The following MAF variants were observed in gnomAD, a reference collection of about 807,000 sequenced individuals.
MAF encodes MAF bZIP transcription factor.
In MAF, 10 loss-of-function variants were observed where a neutral mutation model predicts 22.0. The ratio of observed to expected loss-of-function variants is 0.45; its 90% CI spans 0.28 to 0.77. MAF has a LOEUF of 0.77. Ranked by LOEUF, MAF falls within the 30% of genes least tolerant of loss-of-function variation. The pLI, the probability that MAF is intolerant of heterozygous loss-of-function variation, is 0.12. For missense variants in MAF, 544 were observed against 548.4 expected, an observed-to-expected ratio of 0.99 and a Z score of 0.08; for synonymous variants, 337 against 255.8, an observed-to-expected ratio of 1.32 and a Z score of -3.03.
At chr16:79,208,718 G>T in the MAF span, among the ~76,000 whole-genome samples, 1 of 151,958 alleles carries the variant, frequency 6.6e-6, no homozygotes, top group African/African-American at 2.4e-5. Context: ...ATGTGCCTCA[G>T]TCTTATTCTG....
At chr16:79,254,034 T>G in the MAF span, among the ~76,000 whole-genome samples, 5 of 151,984 alleles carry the variant, frequency 3.3e-5, no homozygotes. Flanking sequence ...TTTTGTTTTT[T>G]TTTTTATAAA....
At chr16:79,208,585 G>T in the MAF span, among the ~76,000 whole-genome samples, 1 of 152,078 alleles carries the variant, frequency 6.6e-6, no homozygotes, top group East Asian at 1.9e-4. Context: ...GCCCCAAAAG[G>T]TGGTATGAAT....
At chr16:79,358,930 C>T in the MAF span, among the ~76,000 whole-genome samples, 1 of 152,268 alleles carries the variant, frequency 6.6e-6, no homozygotes, top group African/African-American at 2.4e-5. Flanking sequence ...TGAGGCCCTT[C>T]GGTACAGGCC....
the MAF span, among the ~76,000 whole-genome samples, chr16:79,408,947 ACTG>A: frequency 2.5e-4 from 19 of 76,654 alleles, no homozygotes; most frequent in Middle Eastern, 7.2e-3. Flanking sequence ...GGTATTTTTT[ACTG>A]CTTTTTTTTT....
Position 79,594,316 on chromosome 16 carries a change from C to T in MAF, c.*144G>A. The T allele has an allele frequency of 2.5e-6, 2 of 789,378 alleles. No individual in the cohort carries two copies. The highest frequency in any genetic ancestry group is 2.1e-5 in the Admixed American group (1 of 47,562). 48.9% of individuals were successfully genotyped at this position (789,378 alleles called of 1,614,324 possible). A position where few individuals can be genotyped will look rare whatever the true frequency, so the allele number is the denominator to read the frequency against. On this transcript the variant is annotated 3_prime_UTR_variant, in exon 2 of 2. Coordinates refer to ENST00000326043, the MANE Select transcript of MAF (RefSeq NM_005360.5). ...CCCAGACAAGAGGCATAGTTAACTA[C>T]TACATTTAATAGCCTTCTTCTCTAA...
At chr16:79,485,984 C>G in the MAF span, among the ~76,000 whole-genome samples, 1 of 152,154 alleles carries the variant, frequency 6.6e-6, no homozygotes, top group Admixed American at 6.5e-5. Context: ...AAATCTGGAC[C>G]ACTGTGGATA....
chr16:79,446,043 A>G, the MAF span, among the ~76,000 whole-genome samples: 77 of 152,258 alleles, frequency 5.1e-4, no homozygotes, highest in African/African-American at 1.8e-3. Context: ...GAGAAATTGA[A>G]AGAAAGAAAA....
At chr16:79,514,175 C>T in the MAF span, among the ~76,000 whole-genome samples, 5 of 152,350 alleles carry the variant, frequency 3.3e-5, no homozygotes, top group Admixed American at 6.5e-5. Context: ...ATAAGCTCTT[C>T]CGGCTTGTTG....
the MAF span, among the ~76,000 whole-genome samples, chr16:79,242,272 G>C: frequency 2.0e-5 from 3 of 151,550 alleles, no homozygotes; most frequent in Non-Finnish European, 4.4e-5. Context: ...AAGACCCATA[G>C]GTGTGTGGTA....
the MAF span, among the ~76,000 whole-genome samples, chr16:79,435,658 C>CATTT: frequency 2.0e-5 from 3 of 152,174 alleles, no homozygotes; most frequent in East Asian, 5.8e-4. Flanking sequence ...CTTCTCAGGG[C>CATTT]ATTTCTATGT....
the MAF span, among the ~76,000 whole-genome samples, chr16:79,382,430 A>G: frequency 2.6e-5 from 4 of 152,254 alleles, no homozygotes; most frequent in African/African-American, 9.6e-5. Context: ...TATGGTAACC[A>G]CTGGACATAT....
chr16:79,598,072 C>T (rs1913668395), intron 1 of MAF: 1 of 1,041,808 alleles, frequency 9.6e-7, no homozygotes, highest in East Asian at 5.7e-5. Flanking sequence ...CGATGGAACT[C>T]GGCACGCTGC....
the MAF span, among the ~76,000 whole-genome samples, chr16:79,342,101 G>A: frequency 6.6e-6 from 1 of 152,178 alleles, no homozygotes; most frequent in African/African-American, 2.4e-5. Context: ...GTTAGAGTTA[G>A]CCCCATTTTG....
chr16:79,335,531 G>A, the MAF span, among the ~76,000 whole-genome samples: 4 of 152,174 alleles, frequency 2.6e-5, no homozygotes, highest in Non-Finnish European at 5.9e-5. Context: ...GGGTAGGAAC[G>A]GTGATGTTTC....
chr16:79,246,139 T>C, the MAF span, among the ~76,000 whole-genome samples: 1 of 152,022 alleles, frequency 6.6e-6, no homozygotes, highest in East Asian at 1.9e-4. Flanking sequence ...CAAACCACCA[T>C]GGCACGTGTA....
At chr16:79,237,619 A>G in the MAF span, among the ~76,000 whole-genome samples, 1 of 151,968 alleles carries the variant, frequency 6.6e-6, no homozygotes, top group African/African-American at 2.4e-5. Context: ...CTCAGAGGAC[A>G]CTCAGGGGAA....
chr16:79,486,064 G>C, the MAF span, among the ~76,000 whole-genome samples: 2 of 152,174 alleles, frequency 1.3e-5, no homozygotes, highest in African/African-American at 2.4e-5. Flanking sequence ...AAGGTCAAAA[G>C]AGATAATAAA....
At chr16:79,478,234 T>G in the MAF span, among the ~76,000 whole-genome samples, 10 of 152,200 alleles carry the variant, frequency 6.6e-5, no homozygotes, top group Non-Finnish European at 1.2e-4. Flanking sequence ...ACAGTTAGCC[T>G]TGAGCGAGGC....
At chr16:79,519,452 C>T in the MAF span, among the ~76,000 whole-genome samples, 1 of 152,218 alleles carries the variant, frequency 6.6e-6, no homozygotes, top group Non-Finnish European at 1.5e-5. Flanking sequence ...ACCCAGAACA[C>T]GTTTCCAGGG....
Sources: gnomAD v4.1 joint callset for allele counts (sites outside exome capture counted in the v4.1 genomes callset) on GRCh38, gnomAD v4.1.1 for gene constraint, MANE v1.5 for transcripts, NCBI Gene and HGNC (gene_info 2026-07-23, HGNC 2026-07-21) for gene names.